CCN5: variants seen among roughly 807,000 people sequenced by gnomAD.
CCN5 encodes cellular communication network factor 5.
CCN5 carries 17 observed loss-of-function variants against 18.7 expected under a neutral mutation model. The observed-to-expected ratio is 0.91, with a 90% CI of 0.62 to 1.36. CCN5 has a LOEUF of 1.36. CCN5 is among the 40% of genes most tolerant of loss of function. The pLI, the probability that CCN5 is intolerant of heterozygous loss-of-function variation, is 0.00. For synonymous variants in CCN5, 135 were observed against 145.2 expected (o/e 0.93, Z 0.50); for missense variants, 367 against 342.9 (o/e 1.07, Z -0.56).
In CCN5 at chr20:44,715,423, C is replaced by G. The variant is rs771827257; in HGVS notation, c.33C>G (p.Ala11=). The G allele has an allele frequency of 1.9e-6, 3 of 1,601,224 alleles. No homozygotes were observed. The highest frequency in any genetic ancestry group is 2.6e-6 in the Non-Finnish European group (3 of 1,174,170). The change falls in exon 1 of 4, where the codon GCC becomes GCG. Residue 11 remains alanine (A), a synonymous_variant. Coordinates refer to ENST00000190983, the MANE Select transcript of CCN5 (RefSeq NM_003881.4). ...GCACACCGAAGACCCACCTCCTGGC[C>G]TTCTCCCTCCTCTGCCTCCTCTCAA... is the stretch of plus-strand genomic sequence containing the variant. MRGTPKTHLL[A]FSLLCLLSKV...
In CCN5 at chr20:44,719,966, C is replaced by T. The variant is rs758290761; in HGVS notation, c.130C>T (p.Pro44Ser). ...ACCTCCCCGATGCCCGCTGGGAGTA[C>T]CCCTGGTGCTGGATGGCTGTGGCTG... ...WPPPRCPLGV[P>S]LVLDGCGCCR... Residue 44 changes from proline (P) to serine (S), a missense_variant, in exon 2 of 4, where the codon CCC becomes TCC. By Grantham distance (74) the Pro-to-Ser change is moderately conservative. Transcript: ENST00000190983. The T allele has an allele frequency of 5.6e-6, 9 of 1,613,632 alleles. No homozygotes were observed. The African/African-American group carries it at 1.2e-4, about 22-fold the overall frequency.
intron 3 of CCN5, among the ~76,000 whole-genome samples, chr20:44,726,555 T>C (rs1045243461): frequency 3.0e-4 from 46 of 152,086 alleles, no homozygotes; most frequent in Admixed American, 2.9e-3. Context: ...TCTCCAGATA[T>C]TGCCAAACCT....
chr20:44,722,802 A>G (rs1429158045), intron 2 of CCN5, among the ~76,000 whole-genome samples: 2 of 151,814 alleles, frequency 1.3e-5, no homozygotes, highest in African/African-American at 4.8e-5. Context: ...CACCTCCCAC[A>G]TACCACCCAC....
At chr20:44,714,910 G>A (rs967905765), upstream of CCN5, 1 of 158,402 alleles carries the variant, frequency 6.3e-6, no homozygotes, top group African/African-American at 2.4e-5. Flanking sequence ...TCTGCAAAGG[G>A]GTTGTTTACT....
chr20:44,719,825 A>G, intron 1 of CCN5, 72 bp from the exon 2 acceptor site: 1 of 1,478,820 alleles, frequency 6.8e-7, no homozygotes, highest in Non-Finnish European at 9.2e-7. Context: ...CCTGGCAGAG[A>G]AGTGGCTGGT....
intron 2 of CCN5, 55 bp downstream of exon 2, chr20:44,720,168 G>A (rs779308441): frequency 3.2e-5 from 49 of 1,511,548 alleles, no homozygotes; most frequent in Admixed American, 8.0e-5. Context: ...GGTCAAGGCC[G>A]TGGTGTCCTG....
rs2065923386 is a variant in CCN5 at position 44,724,755 on chromosome 20, A to G, written c.295A>G (p.Ser99Gly). The change falls in exon 3 of 4, where the codon AGC becomes GGC. Residue 99 changes from serine to glycine, a missense_variant. Transcript: ENST00000190983. ...ALCLLAEDDS[S>G]CEVNGRLYRE... The stretch of plus-strand genomic sequence containing the variant: ...CTCCGCAGTGGCAGAGGACGACAGC[A>G]GCTGTGAGGTGAACGGCCGCCTGTA... 1 of 1,612,594 alleles carries G rather than the reference A, an allele frequency of 6.2e-7. No homozygotes were observed. Among genetic ancestry groups the G allele is most frequent in the Non-Finnish European group, 8.5e-7 (1 of 1,179,782 alleles).
At chr20:44,723,665 C>T (rs2065915260) in intron 2 of CCN5, 1 of 152,222 alleles carries the variant, frequency 6.6e-6, no homozygotes. Flanking sequence ...GAGCAGCTCA[C>T]ACGCTTCACC....
intron 1 of CCN5, among the ~76,000 whole-genome samples, 157 bp from the exon 2 acceptor site, chr20:44,719,740 T>C (rs997524098): frequency 6.6e-6 from 1 of 152,192 alleles, no homozygotes; most frequent in Non-Finnish European, 1.5e-5. Context: ...TCTTAGGGCA[T>C]GTTGTGGGAC....
chr20:44,719,900 C>T lies in CCN5; in HGVS notation c.64C>T (p.Arg22Cys), dbSNP rs762022880. The change falls in exon 2 of 4, where the codon CGT becomes TGT. Residue 22 changes from arginine to cysteine, a missense_variant. By Grantham distance (180) the Arg-to-Cys change is radical. Transcript: ENST00000190983. ...FSLLCLLSKVRTQLCPTPCTC... is the reference protein window; with the variant it reads ...FSLLCLLSKVCTQLCPTPCTC... ...AGTGAGGTCTCTGTCTCTTCAGGTG[C>T]GTACCCAGCTGTGCCCGACACCATG... 15 of 1,612,450 alleles carry T rather than the reference C, an allele frequency of 9.3e-6. No homozygotes were observed. Among genetic ancestry groups the T allele is most frequent in the East Asian group, 6.7e-5 (3 of 44,864 alleles).
intron 1 of CCN5, 119 bp from the exon 2 acceptor site, chr20:44,719,778 G>C (rs2065884375): frequency 8.6e-6 from 9 of 1,042,048 alleles, no homozygotes; most frequent in Non-Finnish European, 1.1e-5. Flanking sequence ...AGGTCTGCAT[G>C]GCTCTGAGGC....
intron 2 of CCN5, 113 bp downstream of exon 2, chr20:44,720,226 A>G: frequency 1.8e-6 from 2 of 1,142,564 alleles, no homozygotes; most frequent in South Asian, 2.8e-5. Flanking sequence ...TGCTCACTTC[A>G]GGTATCCCAT....
chr20:44,717,158 C>T (rs2065865126), intron 1 of CCN5, among the ~76,000 whole-genome samples: 1 of 152,172 alleles, frequency 6.6e-6, no homozygotes, highest in East Asian at 1.9e-4. Context: ...CTGTCTCTTA[C>T]TGGCTGTGTT....
intron 2 of CCN5, chr20:44,721,602 C>T (rs1322960197): frequency 6.6e-6 from 1 of 150,726 alleles, no homozygotes; most frequent in Non-Finnish European, 1.5e-5. Flanking sequence ...TGATTCGTTA[C>T]ACTGACTGAG....
In CCN5 at chr20:44,727,656, C is replaced by G; in HGVS notation, c.*349C>G. ...GACTTCCCCTGGGCAAGAGATGGGA[C>G]AAGCAGTCCCTTAATATTGAGGCTG... is the stretch of plus-strand genomic sequence containing the variant. On this transcript the variant is annotated 3_prime_UTR_variant, in exon 4 of 4. Transcript: ENST00000190983. The G allele has an allele frequency of 1.5e-6, 1 of 648,184 alleles. No individual in the cohort carries two copies. The highest frequency in any genetic ancestry group is 2.2e-6 in the Non-Finnish European group (1 of 453,600). 40.2% of individuals were successfully genotyped at this position (648,184 alleles called of 1,614,324 possible).
intron 3 of CCN5, among the ~76,000 whole-genome samples, chr20:44,726,447 G>T (rs947175106): frequency 7.9e-5 from 12 of 152,018 alleles, no homozygotes; most frequent in South Asian, 6.2e-4. Context: ...TTATTTGTTG[G>T]GGGGGTTTTC....
intron 2 of CCN5, chr20:44,721,068 T>C (rs1370872819): frequency 6.6e-6 from 1 of 152,204 alleles, no homozygotes; most frequent in Non-Finnish European, 1.5e-5. Flanking sequence ...TTCTTCTTTT[T>C]TCTTTTTTAA....
At chr20:44,715,347 T>G (rs1000439480), upstream of CCN5, 1 of 1,567,334 alleles carries the variant, frequency 6.4e-7, no homozygotes, top group Non-Finnish European at 8.6e-7. Context: ...ACATAAAGAC[T>G]CACAGGTCCG....
chr20:44,727,148 C>T lies in CCN5; in HGVS notation c.594C>T (p.Ser198=). ...CTGGTGTCCCCTGCCCAGAATGGAG[C>T]ACGGCCTGGGGACCCTGCTCGACCA... ...LPPGVPCPEW[S]TAWGPCSTTC... is the part of the protein sequence containing the mutation. The change falls in exon 4 of 4, where the codon AGC becomes AGT. Residue 198 remains serine, a synonymous_variant. Coordinates refer to ENST00000190983, the MANE Select transcript of CCN5 (RefSeq NM_003881.4). The T allele has an allele frequency of 1.2e-6, 2 of 1,613,102 alleles. No individual in the cohort carries two copies. Among genetic ancestry groups the T allele is most frequent in the Non-Finnish European group, 1.7e-6 (2 of 1,179,506 alleles).
Sources: allele counts gnomAD v4.1 joint callset (sites outside exome capture counted in the v4.1 genomes callset), GRCh38; gene constraint gnomAD v4.1.1; transcripts MANE v1.5; gene names NCBI Gene and HGNC (gene_info 2026-07-23, HGNC 2026-07-21).